The following CSTPP1 variants were observed in gnomAD, a reference collection of about 807,000 sequenced individuals.
CSTPP1 encodes the protein UPF0705 protein C11orf49.
the CSTPP1 span, among the ~76,000 whole-genome samples, chr11:46,996,745 G>A: frequency 6.6e-6 from 1 of 151,624 alleles, no homozygotes; most frequent in South Asian, 2.1e-4. Flanking sequence ...TCAGGGGCTC[G>A]CCTGGTGGTG....
chr11:47,041,590 A>G, the CSTPP1 span: 27 of 405,322 alleles, frequency 6.7e-5, 4 homozygotes, highest in Non-Finnish European at 1.3e-4. Flanking sequence ...GATGCCGGGA[A>G]AGGCGCTCAT....
the CSTPP1 span, among the ~76,000 whole-genome samples, chr11:47,066,033 C>T: frequency 7.1e-6 from 1 of 141,190 alleles, no homozygotes; most frequent in Non-Finnish European, 1.5e-5. Flanking sequence ...CATATAAGAT[C>T]ATATCATCTG....
the CSTPP1 span, among the ~76,000 whole-genome samples, chr11:46,993,412 C>A: frequency 6.7e-6 from 1 of 150,158 alleles, no homozygotes; most frequent in African/African-American, 2.5e-5. Flanking sequence ...GGTTTTAGGT[C>A]TGACATTTAA....
the CSTPP1 span, among the ~76,000 whole-genome samples, chr11:47,111,631 C>T: frequency 6.6e-6 from 1 of 152,232 alleles, no homozygotes; most frequent in Middle Eastern, 3.4e-3. Context: ...GTTCAGTTTT[C>T]TGAGCACCTG....
chr11:47,033,747 T>G, the CSTPP1 span, among the ~76,000 whole-genome samples: 1 of 152,230 alleles, frequency 6.6e-6, no homozygotes, highest in Non-Finnish European at 1.5e-5. Flanking sequence ...CAGACTTTCT[T>G]GATGTTCTAT....
At chr11:47,052,466 A>G in the CSTPP1 span, 4 of 1,613,940 alleles carry the variant, frequency 2.5e-6, no homozygotes, top group South Asian at 2.2e-5. Context: ...ACAATAGGGT[A>G]TCATTTTTAC....
chr11:46,948,503 T>G, the CSTPP1 span, among the ~76,000 whole-genome samples: 1 of 151,778 alleles, frequency 6.6e-6, no homozygotes, highest in Non-Finnish European at 1.5e-5. Flanking sequence ...GGTCTCTTTG[T>G]GGAAGGCTGC....
At chr11:47,084,655 C>T in the CSTPP1 span, among the ~76,000 whole-genome samples, 1 of 152,132 alleles carries the variant, frequency 6.6e-6, no homozygotes, top group African/African-American at 2.4e-5. Flanking sequence ...CTTTCCTTCT[C>T]CTACTTGTTG....
chr11:46,979,908 T>G, the CSTPP1 span, among the ~76,000 whole-genome samples: 2 of 152,158 alleles, frequency 1.3e-5, no homozygotes, highest in African/African-American at 4.8e-5. Flanking sequence ...AGCGAGACTC[T>G]GACTTAAAAT....
the CSTPP1 span, among the ~76,000 whole-genome samples, chr11:47,106,812 C>A: frequency 6.6e-6 from 1 of 152,124 alleles, no homozygotes; most frequent in African/African-American, 2.4e-5. Flanking sequence ...GACTAGGAAG[C>A]AATTGAAACT....
chr11:47,123,742 C>T, the CSTPP1 span, among the ~76,000 whole-genome samples: 1 of 152,136 alleles, frequency 6.6e-6, no homozygotes, highest in African/African-American at 2.4e-5. Context: ...GGCTCACGCC[C>T]GTAATCCCAA....
chr11:47,019,170 C>T, the CSTPP1 span, among the ~76,000 whole-genome samples: 5 of 151,942 alleles, frequency 3.3e-5, no homozygotes, highest in Admixed American at 6.6e-5. Context: ...ATCATGCCTG[C>T]CTAATTTTTT....
the CSTPP1 span, among the ~76,000 whole-genome samples, chr11:47,134,369 T>C: frequency 6.6e-6 from 1 of 152,052 alleles, no homozygotes; most frequent in Non-Finnish European, 1.5e-5. Flanking sequence ...TTTTGTATTT[T>C]TAGTAAAGAT....
At chr11:47,038,044 G>A in the CSTPP1 span, among the ~76,000 whole-genome samples, 1 of 114,948 alleles carries the variant, frequency 8.7e-6, no homozygotes. Context: ...TTCCCAGTAG[G>A]GGCGGCCGGG....
chr11:46,942,352 G>A, the CSTPP1 span, among the ~76,000 whole-genome samples: 2 of 152,144 alleles, frequency 1.3e-5, no homozygotes, highest in African/African-American at 2.4e-5. Flanking sequence ...TGGGTGTGGC[G>A]AGCTCTCTAG....
At chr11:47,144,628 T>C in the CSTPP1 span, among the ~76,000 whole-genome samples, 1 of 152,286 alleles carries the variant, frequency 6.6e-6, no homozygotes, top group Admixed American at 6.5e-5. Context: ...AAATAATATA[T>C]AACAAAAATC....
the CSTPP1 span, chr11:47,158,043 A>G: frequency 3.5e-6 from 3 of 852,636 alleles, no homozygotes; most frequent in East Asian, 7.4e-5. Flanking sequence ...TTGACTTCCC[A>G]GGGCCGGACT....
chr11:47,144,177 T>C, the CSTPP1 span, among the ~76,000 whole-genome samples: 1 of 152,194 alleles, frequency 6.6e-6, no homozygotes, highest in Non-Finnish European at 1.5e-5. Flanking sequence ...TACCACATTG[T>C]AGACATTAAA....
At chr11:46,984,475 G>A in the CSTPP1 span, among the ~76,000 whole-genome samples, 1 of 152,172 alleles carries the variant, frequency 6.6e-6, no homozygotes, top group Non-Finnish European at 1.5e-5. Context: ...TTTGTAATAT[G>A]AAACTAAATA....
Sources: gnomAD v4.1 joint callset for allele counts (sites outside exome capture counted in the v4.1 genomes callset) on GRCh38, gnomAD v4.1.1 for gene constraint, MANE v1.5 for transcripts, NCBI Gene and HGNC (gene_info 2026-07-23, HGNC 2026-07-21) for gene names.